The following PID1 variants were observed in gnomAD, a reference collection of about 807,000 sequenced individuals.
PID1 encodes phosphotyrosine interaction domain containing 1, also known as PTB-containing, cubilin and LRP1-interacting protein.
Under a neutral mutation model 19.1 loss-of-function variants are expected in PID1, and 10 were observed. The observed-to-expected ratio is 0.52, with a 90% CI of 0.32 to 0.89. The LOEUF (loss-of-function observed/expected upper bound fraction) is 0.89. Ranked by LOEUF, PID1 falls within the 40% of genes least tolerant of loss-of-function variation. The pLI is 0.03. For missense variants in PID1, 248 were observed against 285.3 expected (o/e 0.87, Z 0.94); for synonymous variants, 130 against 116.0 (o/e 1.12, Z -0.78).
At chr2:229,203,262 C>A (rs1427315723) in intron 1 of PID1, among the ~76,000 whole-genome samples, 1 of 152,028 alleles carries the variant, frequency 6.6e-6, no homozygotes, top group Non-Finnish European at 1.5e-5. Flanking sequence ...CTCTCATTGG[C>A]AGTCAATATT....
At chr2:229,103,856 C>T (rs577409006) in intron 2 of PID1, among the ~76,000 whole-genome samples, 7 of 152,154 alleles carry the variant, frequency 4.6e-5, no homozygotes, top group African/African-American at 1.2e-4. Context: ...GGATTACAGT[C>T]GTGAGCCACC....
At chr2:229,036,803 T>C (rs892144206) in intron 2 of PID1, among the ~76,000 whole-genome samples, 2 of 152,174 alleles carry the variant, frequency 1.3e-5, no homozygotes, top group Admixed American at 6.6e-5. Flanking sequence ...AGCTGTCCCA[T>C]GGCTAGACTG....
At chr2:229,141,205 T>C (rs1690004516) in intron 2 of PID1, among the ~76,000 whole-genome samples, 1 of 152,058 alleles carries the variant, frequency 6.6e-6, no homozygotes, top group South Asian at 2.1e-4. Flanking sequence ...TTTTTAATCT[T>C]CAAGACTAAG....
intron 2 of PID1, among the ~76,000 whole-genome samples, chr2:229,040,720 C>T (rs1405509930): frequency 6.6e-6 from 1 of 152,114 alleles, no homozygotes; most frequent in African/African-American, 2.4e-5. Context: ...AACATTTTAA[C>T]ACAGTATTTG....
intron 1 of PID1, among the ~76,000 whole-genome samples, chr2:229,192,458 C>A (rs148091183): frequency 6.6e-6 from 1 of 152,048 alleles, no homozygotes; most frequent in Non-Finnish European, 1.5e-5. Context: ...CTGACTTTGT[C>A]CTACTTCATA....
At chr2:229,088,054 T>TA (rs760220633) in intron 2 of PID1, among the ~76,000 whole-genome samples, 2 of 152,174 alleles carry the variant, frequency 1.3e-5, no homozygotes, top group South Asian at 4.1e-4. Flanking sequence ...ATGTGGTCTC[T>TA]AAGAGCTGCC....
intron 2 of PID1, among the ~76,000 whole-genome samples, chr2:229,049,159 C>T (rs187634402): frequency 6.6e-6 from 1 of 152,060 alleles, no homozygotes; most frequent in African/African-American, 2.4e-5. Flanking sequence ...GGAGACTCCC[C>T]CGACATACCA....
chr2:229,062,545 T>C (rs1017529820), intron 2 of PID1, among the ~76,000 whole-genome samples: 2 of 151,882 alleles, frequency 1.3e-5, no homozygotes, highest in Non-Finnish European at 2.9e-5. Flanking sequence ...GAGATACTGA[T>C]CCATTATTTT....
intron 1 of PID1, among the ~76,000 whole-genome samples, chr2:229,226,503 A>G (rs1692080565): frequency 6.6e-6 from 1 of 152,148 alleles, no homozygotes; most frequent in African/African-American, 2.4e-5. Context: ...TCCCAAACCC[A>G]TGGGACACCA....
At chr2:229,244,380 T>G (rs1033792938) in intron 1 of PID1, among the ~76,000 whole-genome samples, 1 of 152,162 alleles carries the variant, frequency 6.6e-6, no homozygotes, top group Non-Finnish European at 1.5e-5. Flanking sequence ...AAACTAGAAC[T>G]AGGAATCAAG....
intron 1 of PID1, among the ~76,000 whole-genome samples, chr2:229,179,518 T>C (rs755907292): frequency 5.9e-5 from 9 of 152,156 alleles, no homozygotes; most frequent in Non-Finnish European, 1.0e-4. Context: ...AAGTAAGTTT[T>C]AAGTAAAAGA....
At chr2:229,082,309 G>A (rs1045346396) in intron 2 of PID1, among the ~76,000 whole-genome samples, 12 of 152,268 alleles carry the variant, frequency 7.9e-5, no homozygotes, top group African/African-American at 2.6e-4. Context: ...ACCATAATTT[G>A]GTATTTCTTC....
intron 1 of PID1, among the ~76,000 whole-genome samples, chr2:229,223,405 T>C (rs1295017511): frequency 1.3e-5 from 2 of 152,244 alleles, no homozygotes; most frequent in Non-Finnish European, 2.9e-5. Flanking sequence ...TGGTGTTTCT[T>C]ATGCATTGGT....
At chr2:229,189,748 T>C (rs115686593) in intron 1 of PID1, among the ~76,000 whole-genome samples, 17 of 152,036 alleles carry the variant, frequency 1.1e-4, no homozygotes, top group Non-Finnish European at 2.4e-4. Context: ...TTGATAATAA[T>C]CCATAACGCA....
chr2:229,146,684 C>T (rs1481989428), intron 2 of PID1, among the ~76,000 whole-genome samples: 2 of 151,890 alleles, frequency 1.3e-5, no homozygotes, highest in Admixed American at 6.6e-5. Flanking sequence ...AAGAAAAAGG[C>T]TTTTTGTAGA....
chr2:229,268,275 T>A (rs1167527150), intron 1 of PID1, among the ~76,000 whole-genome samples: 1 of 152,130 alleles, frequency 6.6e-6, no homozygotes, highest in African/African-American at 2.4e-5. Context: ...GAAGTGTGGG[T>A]AACAATAATG....
chr2:229,107,282 C>G (rs1365315290), intron 2 of PID1, among the ~76,000 whole-genome samples: 1 of 152,128 alleles, frequency 6.6e-6, no homozygotes, highest in Non-Finnish European at 1.5e-5. Flanking sequence ...GTCTGTGCTA[C>G]TTTGCTGCAG....
At chr2:229,234,024 A>C (rs894588834) in intron 1 of PID1, among the ~76,000 whole-genome samples, 1 of 152,224 alleles carries the variant, frequency 6.6e-6, no homozygotes, top group African/African-American at 2.4e-5. Flanking sequence ...ATCCCTGATA[A>C]ATGTGTTGAA....
chr2:229,248,470 A>G (rs1408187787), intron 1 of PID1, among the ~76,000 whole-genome samples: 1 of 152,206 alleles, frequency 6.6e-6, no homozygotes, highest in Non-Finnish European at 1.5e-5. Context: ...TCCAGTGGAA[A>G]GTTAGCATTT....
Sources: allele counts gnomAD v4.1 joint callset (sites outside exome capture counted in the v4.1 genomes callset), GRCh38; gene constraint gnomAD v4.1.1; transcripts MANE v1.5; gene names NCBI Gene and HGNC (gene_info 2026-07-23, HGNC 2026-07-21).